The following LRTM1 variants were observed in gnomAD, a reference collection of about 807,000 sequenced individuals.
The protein encoded by LRTM1 is leucine rich repeat transmembrane protein 1, also known as leucine-rich repeat and transmembrane domain-containing protein 1.
In LRTM1, 38 loss-of-function variants were observed where a neutral mutation model predicts 32.4. The observed-to-expected ratio is 1.17, with a 90% CI of 0.91 to 1.54. LRTM1 has a LOEUF of 1.54. LRTM1 is among the 40% of genes most tolerant of loss of function. The pLI, the probability that LRTM1 is intolerant of heterozygous loss-of-function variation, is 0.00. For missense variants in LRTM1, 466 were observed against 415.4 expected (o/e 1.12, Z -1.06); for synonymous variants, 186 against 169.9 (o/e 1.09, Z -0.74).
chr3:54,964,409 ATT>A, intron 1 of LRTM1, among the ~76,000 whole-genome samples: 1 of 150,254 alleles, frequency 6.7e-6, no homozygotes, highest in South Asian at 2.1e-4. Flanking sequence ...AGGAATGGTG[ATT>A]TTTTTTTTTC....
intron 1 of LRTM1, among the ~76,000 whole-genome samples, chr3:54,941,742 G>T (rs1030584888): frequency 6.6e-6 from 1 of 152,124 alleles, no homozygotes; most frequent in South Asian, 2.1e-4. Flanking sequence ...ACGAGGGTTC[G>T]CATGGATGTC....
intron 1 of LRTM1, among the ~76,000 whole-genome samples, chr3:54,951,614 C>T (rs552198719): frequency 3.3e-5 from 5 of 152,288 alleles, no homozygotes; most frequent in Admixed American, 2.0e-4. Flanking sequence ...AGCCACAGGG[C>T]GGCTGGCTCT....
chr3:54,955,325 C>T (rs1031236543), intron 1 of LRTM1, among the ~76,000 whole-genome samples: 4 of 152,126 alleles, frequency 2.6e-5, no homozygotes, highest in Non-Finnish European at 5.9e-5. Flanking sequence ...TGAAGCTACT[C>T]TCAGAAGAAC....
chr3:54,919,469 C>T (rs1302986766), intron 2 of LRTM1, among the ~76,000 whole-genome samples: 1 of 152,162 alleles, frequency 6.6e-6, no homozygotes, highest in East Asian at 1.9e-4. Context: ...GAATTCGGTA[C>T]CATGAATGTG....
intron 1 of LRTM1, among the ~76,000 whole-genome samples, chr3:54,938,044 A>T (rs1701373939): frequency 6.6e-6 from 1 of 152,246 alleles, no homozygotes; most frequent in South Asian, 2.1e-4. Flanking sequence ...CACAAGCATT[A>T]TGAAATCCCC....
chr3:54,966,803 A>C (rs988208245), intron 1 of LRTM1: 2 of 152,270 alleles, frequency 1.3e-5, no homozygotes, highest in Admixed American at 1.3e-4. Flanking sequence ...TGGACAGCAG[A>C]GTGAGATTCT....
rs1700966377 is a variant in LRTM1, at chr3:54,924,911, A to C, written c.312T>G (p.Asn104Lys). 6.2e-7 allele frequency: 1 copy of C among 1,613,326 alleles called. No homozygotes were observed. The highest frequency in any genetic ancestry group is 1.3e-5 in the African/African-American group (1 of 74,892). The change falls in exon 2 of 3, where the codon AAT becomes AAG. Residue 104 changes from asparagine (N) to lysine (K), a missense_variant. Coordinates refer to ENST00000273286, the MANE Select transcript of LRTM1 (RefSeq NM_020678.4). ...GGGAAAGGAGTGAATTCTGGGTTAGATTTAAAACCTGCAAGTGCTGAAGCC... is the reference window on the plus strand; with the variant it reads ...GGGAAAGGAGTGAATTCTGGGTTAGCTTTAAAACCTGCAAGTGCTGAAGCC... ...FHGLQHLQVL[N>K]LTQNSLLSLE...
intron 2 of LRTM1, among the ~76,000 whole-genome samples, chr3:54,923,980 G>A (rs560513875): frequency 1.1e-4 from 16 of 152,268 alleles, no homozygotes; most frequent in African/African-American, 4.8e-5. Context: ...TTACAGAAAC[G>A]GGAGATGGGC....
At chr3:54,943,837 T>A (rs1701541238) in intron 1 of LRTM1, among the ~76,000 whole-genome samples, 1 of 152,178 alleles carries the variant, frequency 6.6e-6, no homozygotes, top group East Asian at 1.9e-4. Flanking sequence ...CCTATTTTTC[T>A]CTGTCATCTC....
intron 2 of LRTM1, among the ~76,000 whole-genome samples, chr3:54,921,831 A>C (rs926300605): frequency 6.6e-6 from 1 of 152,172 alleles, no homozygotes; most frequent in Non-Finnish European, 1.5e-5. Context: ...ATTTTATTGC[A>C]TATATAACTA....
At chr3:54,950,535 A>C (rs574637965) in intron 1 of LRTM1, among the ~76,000 whole-genome samples, 1 of 152,192 alleles carries the variant, frequency 6.6e-6, no homozygotes, top group Non-Finnish European at 1.5e-5. Context: ...GCAGTTTGCA[A>C]TGCTTCCTCC....
At chr3:54,949,842 C>G (rs949545042) in intron 1 of LRTM1, among the ~76,000 whole-genome samples, 10 of 152,172 alleles carry the variant, frequency 6.6e-5, no homozygotes, top group African/African-American at 2.4e-4. Context: ...GGGCCCCTGC[C>G]AAGCTCATCT....
At chr3:54,960,057 C>A (rs1701993895) in intron 1 of LRTM1, among the ~76,000 whole-genome samples, 1 of 149,062 alleles carries the variant, frequency 6.7e-6, no homozygotes, top group South Asian at 2.1e-4. Flanking sequence ...GGTGACAGTT[C>A]CGAGAAGCTC....
chr3:54,935,909 T>G (rs2106968894), intron 1 of LRTM1, among the ~76,000 whole-genome samples: 1 of 152,292 alleles, frequency 6.6e-6, no homozygotes. Context: ...GTAGCCCACA[T>G]TACACATCCT....
intron 1 of LRTM1, among the ~76,000 whole-genome samples, chr3:54,955,175 A>G (rs1256969320): frequency 2.0e-5 from 3 of 152,194 alleles, no homozygotes; most frequent in African/African-American, 4.8e-5. Context: ...TACATACTGT[A>G]TATACATTTT....
intron 1 of LRTM1, among the ~76,000 whole-genome samples, chr3:54,958,394 AT>A (rs985394713): frequency 6.6e-6 from 1 of 151,990 alleles, no homozygotes; most frequent in Non-Finnish European, 1.5e-5. Flanking sequence ...CCCCACCTCT[AT>A]TTTTTTAAAG....
rs758429363 is a variant in LRTM1, at chr3:54,918,916, C to A, written c.605-24G>T. 13 of 1,510,042 alleles carry A rather than the reference C, an allele frequency of 8.6e-6. No individual in the cohort carries two copies. The South Asian group carries it at 1.5e-4, about 17-fold the overall frequency. The allele number at this position is 1,510,042 out of a possible 1,614,324, so 93.5% of individuals were successfully genotyped here. The stretch of plus-strand genomic sequence containing the variant: ...CCCTTTAAAAAACAAAAGCAAAGAA[C>A]AATAACAAAGCCTTGATACAACAGA... On this transcript the variant is annotated intron_variant, in intron 2 of 2. Coordinates refer to ENST00000273286, the MANE Select transcript of LRTM1 (RefSeq NM_020678.4).
rs1368788558 is a variant in LRTM1 at position 54,918,526 on chromosome 3, G to T, written c.971C>A (p.Pro324His). 1 of 1,613,686 alleles carries T rather than the reference G, an allele frequency of 6.2e-7. No homozygotes were observed. Among genetic ancestry groups the T allele is most frequent in the Non-Finnish European group, 8.5e-7 (1 of 1,179,936 alleles). ...CCCAGGATCATTGGTTTGAGCCAAG[G>T]GTCCCCCATGGTACTGGGCTGTGAT... is the stretch of plus-strand genomic sequence containing the variant. ...AAITAQYHGGPLAQTNDPGKV... is the reference protein window; with the variant it reads ...AAITAQYHGGHLAQTNDPGKV... The change falls in exon 3 of 3, where the codon CCC (proline) becomes CAC (histidine). Residue 324 changes from proline to histidine, a missense_variant. Pro to His is a moderately conservative substitution (Grantham distance 77). Transcript: ENST00000273286.
intron 1 of LRTM1, among the ~76,000 whole-genome samples, chr3:54,936,408 A>G (rs1024301887): frequency 1.3e-5 from 2 of 152,274 alleles, no homozygotes; most frequent in African/African-American, 4.8e-5. Context: ...TTTGTGCTCT[A>G]CATATCTCTG....
Sources: gnomAD v4.1 joint callset for allele counts (sites outside exome capture counted in the v4.1 genomes callset) on GRCh38, gnomAD v4.1.1 for gene constraint, MANE v1.5 for transcripts, NCBI Gene and HGNC (gene_info 2026-07-23, HGNC 2026-07-21) for gene names.